The following FAM3B variants were observed in gnomAD, a reference collection of about 807,000 sequenced individuals.
FAM3B encodes the protein FAM3 metabolism regulating signaling molecule B.
Under a neutral mutation model 28.4 loss-of-function variants are expected in FAM3B, and 29 were observed. That is an observed-to-expected ratio of 1.02 (90% CI 0.76 to 1.39). The LOEUF is 1.39. FAM3B is among the 40% of genes most tolerant of loss of function. The pLI is 0.00. For synonymous variants in FAM3B, 91 were observed against 103.0 expected (o/e 0.88, Z 0.71); for missense variants, 266 against 293.9 (o/e 0.91, Z 0.69).
Position 41,348,653 on chromosome 21 carries a change from A to G in FAM3B, c.547A>G (p.Lys183Glu). The change falls in exon 7 of 8, where the codon AAA (lysine) becomes GAA (glutamate). Residue 183 changes from lysine (K) to glutamate (E), a missense_variant. Physicochemically the swap from Lys to Glu is moderately conservative, Grantham distance 56. Coordinates refer to ENST00000357985, the MANE Select transcript of FAM3B (RefSeq NM_058186.4). Reference sequence around the variant, plus strand: ...TGGAAGTAAAGAAATCAGGAACATGAAATTCAGGTCTAGCTGGGTATTTAT... The same window carrying G: ...TGGAAGTAAAGAAATCAGGAACATGGAATTCAGGTCTAGCTGGGTATTTAT... ...ALGSKEIRNM[K>E]FRSSWVFIAA... 6.2e-7 allele frequency: 1 copy of G among 1,614,222 alleles called. No individual in the cohort carries two copies. The highest frequency in any genetic ancestry group is 8.5e-7 in the Non-Finnish European group (1 of 1,180,034).
chr21:41,343,832 A>G (rs2089029480), intron 3 of FAM3B, among the ~76,000 whole-genome samples: 1 of 152,224 alleles, frequency 6.6e-6, no homozygotes, highest in Non-Finnish European at 1.5e-5. Context: ...AAATTAAGTG[A>G]CATACTCAGG....
upstream of FAM3B, among the ~76,000 whole-genome samples, chr21:41,312,276 A>G (rs558359811): frequency 2.0e-5 from 3 of 152,290 alleles, no homozygotes; most frequent in South Asian, 4.1e-4. Flanking sequence ...TCCCCCTCTA[A>G]TGATTGTATA....
intron 2 of FAM3B, among the ~76,000 whole-genome samples, chr21:41,324,670 G>A (rs963653675): frequency 2.6e-5 from 4 of 152,268 alleles, no homozygotes; most frequent in Middle Eastern, 3.4e-3. Context: ...TCTGGGCCGT[G>A]GTCTGAGTGC....
chr21:41,322,569 G>A, intron 1 of FAM3B: 1 of 716,506 alleles, frequency 1.4e-6, no homozygotes, highest in Non-Finnish European at 2.6e-6. Context: ...AAGGGAATGA[G>A]GCGCTTTTGT....
chr21:41,321,472 C>T (rs576838648), intron 1 of FAM3B, among the ~76,000 whole-genome samples: 2 of 152,348 alleles, frequency 1.3e-5, no homozygotes, highest in South Asian at 4.1e-4. Context: ...ATTTTGTTTT[C>T]TGTGTCTGGT....
chr21:41,347,795 C>T (rs188887615), intron 6 of FAM3B, among the ~76,000 whole-genome samples: 14,062 of 142,290 alleles, frequency 0.099, 805 homozygotes, highest in Non-Finnish European at 0.14. Context: ...GAAATACACA[C>T]ATACACATTC....
At chr21:41,327,581 C>T (rs1343119683) in intron 2 of FAM3B, among the ~76,000 whole-genome samples, 3 of 152,124 alleles carry the variant, frequency 2.0e-5, no homozygotes, top group African/African-American at 2.4e-5. Context: ...ATTGGTTGTT[C>T]GGGAACATGT....
At chr21:41,348,379 G>A (rs563105332) in intron 6 of FAM3B, among the ~76,000 whole-genome samples, 1 of 152,312 alleles carries the variant, frequency 6.6e-6, no homozygotes, top group South Asian at 2.1e-4. Context: ...GGCCTAAAAT[G>A]GCTCTGGATG....
intron 2 of FAM3B, 129 bp from the exon 3 acceptor site, chr21:41,338,249 C>T: frequency 2.0e-6 from 2 of 1,016,474 alleles, no homozygotes; most frequent in East Asian, 4.9e-5. Context: ...GGAAACCCTT[C>T]CCCCTCAGGT....
Position 41,322,966 on chromosome 21 carries a change from C to T in FAM3B, c.63C>T (p.Ala21=). Residue 21 remains alanine (A), a synonymous_variant, in exon 2 of 8, where the codon GCC becomes GCT. Coordinates refer to ENST00000357985, the MANE Select transcript of FAM3B (RefSeq NM_058186.4). ...VVFVVFASLC[A]WYSGYLLAEL... ...TCGTGGTCTTCGCCTCCTTGTGTGC[C>T]TGGTATTCGGGGTACCTGCTCGCAG... 6.2e-7 allele frequency: 1 copy of T among 1,613,270 alleles called. No individual in the cohort carries two copies. Among genetic ancestry groups the T allele is most frequent in the South Asian group, 1.1e-5 (1 of 91,090 alleles).
chr21:41,356,112 A>C (rs905767047), intron 7 of FAM3B, among the ~76,000 whole-genome samples: 1 of 151,888 alleles, frequency 6.6e-6, no homozygotes, highest in Admixed American at 6.6e-5. Context: ...GTTGAAAACT[A>C]AACATTAGAG....
rs759362412 is a variant in FAM3B, at chr21:41,345,752, C to A, written c.397+16C>A. On this transcript the variant is annotated intron_variant, in intron 5 of 7. Transcript: ENST00000357985. ...TATGAAGGTGGTAAGAAAATTTTTT[C>A]TGTTAAAATTCAAATGAATTTTAAA... The A allele has an allele frequency of 1.1e-5, 16 of 1,467,292 alleles. No homozygotes were observed. The highest frequency in any genetic ancestry group is 1.4e-5 in the Non-Finnish European group (15 of 1,056,132). The allele number at this position is 1,467,292 out of a possible 1,614,324, so 90.9% of individuals were successfully genotyped here.
intron 2 of FAM3B, among the ~76,000 whole-genome samples, chr21:41,334,602 T>C (rs2088936558): frequency 2.0e-5 from 3 of 152,264 alleles, no homozygotes; most frequent in African/African-American, 4.8e-5. Flanking sequence ...TCCACCTAGA[T>C]TTCAGAGACT....
intron 2 of FAM3B, among the ~76,000 whole-genome samples, chr21:41,327,466 T>C (rs2088863693): frequency 6.6e-6 from 1 of 152,238 alleles, no homozygotes; most frequent in South Asian, 2.1e-4. Context: ...ACCAGATATT[T>C]ATACCAGTTT....
upstream of FAM3B, among the ~76,000 whole-genome samples, chr21:41,315,057 GAATA>G (rs1414259816): frequency 2.0e-5 from 3 of 152,148 alleles, no homozygotes; most frequent in African/African-American, 7.2e-5. Flanking sequence ...ATGGATGAAT[GAATA>G]AACAAAATGT....
At chr21:41,304,677 C>T (rs532619129) in intron 1 of FAM3B, among the ~76,000 whole-genome samples, 47 of 152,296 alleles carry the variant, frequency 3.1e-4, no homozygotes, top group East Asian at 5.8e-4. Flanking sequence ...CCCACACGGG[C>T]GACCAGGGAC....
chr21:41,312,677 T>A (rs929898088), upstream of FAM3B, among the ~76,000 whole-genome samples: 1 of 152,032 alleles, frequency 6.6e-6, no homozygotes, highest in Non-Finnish European at 1.5e-5. Context: ...AACATGTAAG[T>A]TATGAAGCAG....
intron 1 of FAM3B, among the ~76,000 whole-genome samples, chr21:41,311,566 G>C (rs11702598): frequency 1.3e-5 from 2 of 151,878 alleles, no homozygotes; most frequent in African/African-American, 4.8e-5. Context: ...GTTTTATGAA[G>C]AACAGTTTTA....
chr21:41,313,990 C>A (rs569870451), upstream of FAM3B, among the ~76,000 whole-genome samples: 1 of 152,200 alleles, frequency 6.6e-6, no homozygotes, highest in Admixed American at 6.5e-5. Flanking sequence ...ATTGCATCCA[C>A]CCCCACCAAA....
Sources: gnomAD v4.1 joint callset for allele counts (sites outside exome capture counted in the v4.1 genomes callset) on GRCh38, gnomAD v4.1.1 for gene constraint, MANE v1.5 for transcripts, NCBI Gene and HGNC (gene_info 2026-07-23, HGNC 2026-07-21) for gene names.